The following PTPRD variants were observed in gnomAD, a reference collection of about 807,000 sequenced individuals.
The protein encoded by PTPRD is protein tyrosine phosphatase receptor type D, also known as receptor-type tyrosine-protein phosphatase delta.
A neutral mutation model predicts 214.5 loss-of-function variants in PTPRD; 34 were observed. The observed-to-expected ratio is 0.16, with a 90% CI of 0.12 to 0.21. The LOEUF (loss-of-function observed/expected upper bound fraction) is 0.21, where lower values mean the gene tolerates loss of function less well. PTPRD is among the 10% of genes least tolerant of loss of function. The pLI is 1.00. For synonymous variants in PTPRD, 1,128 were observed against 845.7 expected (o/e 1.33, Z -5.79); for missense variants, 2,545 against 2,398.7 (o/e 1.06, Z -1.27).
chr9:8,687,444 C>T (rs972122258), intron 12 of PTPRD, among the ~76,000 whole-genome samples: 1 of 152,278 alleles, frequency 6.6e-6, no homozygotes, highest in African/African-American at 2.4e-5. Flanking sequence ...ACAACACAAA[C>T]CGTATGTTCC....
chr9:9,695,079 A>G (rs574187771), intron 7 of PTPRD, among the ~76,000 whole-genome samples: 1 of 152,228 alleles, frequency 6.6e-6, no homozygotes, highest in African/African-American at 2.4e-5. Context: ...GGTCTCCTCC[A>G]CATTCAACAC....
chr9:9,201,242 T>G (rs866029112), intron 9 of PTPRD, among the ~76,000 whole-genome samples: 11 of 152,062 alleles, frequency 7.2e-5, no homozygotes, highest in African/African-American at 2.7e-4. Context: ...CAGGCAGCAT[T>G]AAAAAACAAT....
At chr9:9,967,722 G>A (rs990272939) in intron 4 of PTPRD, among the ~76,000 whole-genome samples, 1 of 152,084 alleles carries the variant, frequency 6.6e-6, no homozygotes, top group Non-Finnish European at 1.5e-5. Flanking sequence ...TTTGCAATGT[G>A]CTTTCGCTTT....
chr9:9,207,073 G>C (rs984632455), intron 9 of PTPRD, among the ~76,000 whole-genome samples: 1 of 152,104 alleles, frequency 6.6e-6, no homozygotes, highest in East Asian at 1.9e-4. Context: ...TTTGAAAGTA[G>C]AGCCAGTAAA....
chr9:9,000,975 G>C (rs888774059), intron 11 of PTPRD, among the ~76,000 whole-genome samples: 18 of 151,842 alleles, frequency 1.2e-4, no homozygotes, highest in African/African-American at 4.4e-4. Flanking sequence ...AGCAAAGCAC[G>C]CACAGCCAGC....
In PTPRD at chr9:8,507,326, T is replaced by G. The variant is rs1274572732; in HGVS notation, c.1652A>C (p.Tyr551Ser). ...CTCCTCTCCATGCTCCCCATCTTTG[T>G]AGACCAGTTCATAGTTGGCAATGGT... is the stretch of plus-strand genomic sequence containing the variant. ...SDTIANYELV[Y>S]KDGEHGEEQR... The change falls in exon 22 of 46, where the codon TAC becomes TCC. Residue 551 changes from tyrosine (Y) to serine (S), a missense_variant. Tyr to Ser is a moderately radical substitution (Grantham distance 144). Coordinates refer to ENST00000381196, the MANE Select transcript of PTPRD (RefSeq NM_002839.4). 2 of 1,613,852 alleles carry G rather than the reference T, an allele frequency of 1.2e-6. No individual in the cohort carries two copies. The highest frequency in any genetic ancestry group is 1.7e-5 in the Admixed American group (1 of 60,000).
At chr9:9,257,252 G>C (rs923124722) in intron 9 of PTPRD, among the ~76,000 whole-genome samples, 19 of 151,884 alleles carry the variant, frequency 1.3e-4, no homozygotes, top group African/African-American at 4.3e-4. Flanking sequence ...GGAGGAGAGG[G>C]AGTGGAAGTT....
At chr9:8,525,297 C>A (rs1297944973) in intron 17 of PTPRD, 8 of 567,704 alleles carry the variant, frequency 1.4e-5, no homozygotes, top group Non-Finnish European at 2.6e-5. Context: ...TCATAATTAA[C>A]ACTCTTATTT....
rs570146946 is a variant in PTPRD at position 10,428,493 on chromosome 9, A to T, written c.-599-87476T>A. 2.2e-3 allele frequency among the ~76,000 whole-genome samples: 332 copies of T among 152,162 alleles called. 2 individuals are homozygous for T. The highest frequency in any genetic ancestry group is 4.0e-3 in the Non-Finnish European group (269 of 67,986). On this transcript the variant is annotated intron_variant, in intron 2 of 45. Coordinates refer to ENST00000381196, the MANE Select transcript of PTPRD (RefSeq NM_002839.4). ...CAGTTATTTTTACCTTTTTGTCTCA[A>T]TGCTGTTGATACCTATGTTTACTTT...
At chr9:9,107,374 C>A (rs1486190080) in intron 10 of PTPRD, among the ~76,000 whole-genome samples, 2 of 152,114 alleles carry the variant, frequency 1.3e-5, no homozygotes, top group African/African-American at 4.8e-5. Context: ...TGCTTGATTG[C>A]CAATAAGTGT....
intron 5 of PTPRD, among the ~76,000 whole-genome samples, chr9:9,909,213 G>A (rs1044783603): frequency 2.0e-5 from 3 of 151,662 alleles, no homozygotes; most frequent in Non-Finnish European, 2.9e-5. Context: ...TGGCATATCT[G>A]TCAGCTGTGT....
At chr9:10,358,212 T>G (rs897475944) in intron 2 of PTPRD, among the ~76,000 whole-genome samples, 1 of 152,092 alleles carries the variant, frequency 6.6e-6, no homozygotes, top group Non-Finnish European at 1.5e-5. Context: ...AGATTCTACA[T>G]AATGAATTAA....
chr9:10,083,776 G>A (rs2098281433), intron 3 of PTPRD, among the ~76,000 whole-genome samples: 1 of 152,014 alleles, frequency 6.6e-6, no homozygotes, highest in South Asian at 2.1e-4. Flanking sequence ...AGGAGCACGC[G>A]ACCTAGATCC....
intron 3 of PTPRD, among the ~76,000 whole-genome samples, chr9:10,137,953 T>C (rs1299996920): frequency 6.6e-6 from 1 of 151,914 alleles, no homozygotes; most frequent in Non-Finnish European, 1.5e-5. Flanking sequence ...ATATACCAAA[T>C]TAATAATCTA....
chr9:9,568,664 T>G (rs906155340), intron 8 of PTPRD, among the ~76,000 whole-genome samples: 1 of 151,960 alleles, frequency 6.6e-6, no homozygotes, highest in African/African-American at 2.4e-5. Flanking sequence ...TTACACATTT[T>G]TTTAAACGAT....
At chr9:9,545,339 A>G (rs541042733) in intron 8 of PTPRD, among the ~76,000 whole-genome samples, 1 of 151,904 alleles carries the variant, frequency 6.6e-6, no homozygotes, top group African/African-American at 2.4e-5. Flanking sequence ...ACAACTACTG[A>G]TATTTTTAAT....
chr9:9,813,728 A>T (rs2047888647), intron 5 of PTPRD, among the ~76,000 whole-genome samples: 1 of 152,150 alleles, frequency 6.6e-6, no homozygotes, highest in African/African-American at 2.4e-5. Flanking sequence ...ACTTTTCTAA[A>T]AATTTGAAAA....
intron 9 of PTPRD, among the ~76,000 whole-genome samples, chr9:9,356,770 A>C (rs991545552): frequency 1.3e-5 from 2 of 151,370 alleles, no homozygotes; most frequent in African/African-American, 4.8e-5. Context: ...TCTAGGTTTG[A>C]TTTTCATTAT....
intron 44 of PTPRD, among the ~76,000 whole-genome samples, chr9:8,330,189 C>T (rs1838604094): frequency 6.6e-6 from 1 of 152,074 alleles, no homozygotes; most frequent in African/African-American, 2.4e-5. Context: ...CTTTAGCTCA[C>T]CCTTTGTGGG....
Sources: allele counts gnomAD v4.1 joint callset (sites outside exome capture counted in the v4.1 genomes callset), GRCh38; gene constraint gnomAD v4.1.1; transcripts MANE v1.5; gene names NCBI Gene and HGNC (gene_info 2026-07-23, HGNC 2026-07-21).